Variants in LARGE1 observed in about 807,000 individuals in gnomAD.
LARGE1 encodes xylosyl- and glucuronyltransferase LARGE1.
In LARGE1, 43 loss-of-function variants were observed where a neutral mutation model predicts 87.6. The observed-to-expected ratio is 0.49, with a 90% CI of 0.38 to 0.63. LARGE1 has a LOEUF of 0.63. Among genes scored for constraint, LARGE1 ranks in the 30% least tolerant of loss-of-function variants. The pLI, the probability that LARGE1 is intolerant of heterozygous loss-of-function variation, is 0.00. For missense variants in LARGE1, 802 were observed against 1,000.2 expected, an observed-to-expected ratio of 0.80 and a Z score of 2.67; for synonymous variants, 434 against 394.6, an observed-to-expected ratio of 1.10 and a Z score of -1.18.
intron 11 of LARGE1, among the ~76,000 whole-genome samples, chr22:33,180,430 G>T (rs1187756899): frequency 6.6e-6 from 1 of 152,206 alleles, no homozygotes; most frequent in Non-Finnish European, 1.5e-5. Flanking sequence ...GTGCTGATTA[G>T]ATCATAGAGA....
chr22:33,196,287 C>A (rs1363706109), intron 11 of LARGE1, among the ~76,000 whole-genome samples: 2 of 151,944 alleles, frequency 1.3e-5, no homozygotes, highest in East Asian at 3.9e-4. Flanking sequence ...CAAAAGAGTA[C>A]ATATAACATA....
At chr22:33,490,459 C>T (rs576445276) in intron 6 of LARGE1, among the ~76,000 whole-genome samples, 1 of 152,316 alleles carries the variant, frequency 6.6e-6, no homozygotes, top group South Asian at 2.1e-4. Context: ...GTGCCAAGAA[C>T]ATGAAAACGG....
chr22:33,681,380 G>A (rs1280732719), intron 2 of LARGE1, among the ~76,000 whole-genome samples: 1 of 152,076 alleles, frequency 6.6e-6, no homozygotes, highest in African/African-American at 2.4e-5. Context: ...CAACTACCAG[G>A]GTTCACGTCC....
At chr22:33,623,470 C>A (rs1035899146) in intron 4 of LARGE1, among the ~76,000 whole-genome samples, 2 of 152,120 alleles carry the variant, frequency 1.3e-5, no homozygotes, top group African/African-American at 4.8e-5. Context: ...GAACTGACAG[C>A]CTCTACGGTG....
At chr22:33,473,933 A>G (rs2068965269) in intron 6 of LARGE1, among the ~76,000 whole-genome samples, 1 of 152,196 alleles carries the variant, frequency 6.6e-6, no homozygotes, top group South Asian at 2.1e-4. Flanking sequence ...CCTTCTCACC[A>G]TCCCACAGTT....
chr22:33,596,953 G>T (rs1233928572), intron 5 of LARGE1, among the ~76,000 whole-genome samples: 5 of 152,186 alleles, frequency 3.3e-5, no homozygotes, highest in Non-Finnish European at 7.3e-5. Context: ...TGAACTGGGG[G>T]ATTCAGAAGG....
At chr22:33,271,839 T>A (rs918490077), downstream of LARGE1, among the ~76,000 whole-genome samples, 9 of 152,232 alleles carry the variant, frequency 5.9e-5, no homozygotes, top group Admixed American at 3.9e-4. Context: ...GCTCCAGCCT[T>A]CAGTGAGATT....
intron 7 of LARGE1, among the ~76,000 whole-genome samples, chr22:33,422,805 C>T (rs948305270): frequency 6.6e-6 from 1 of 152,080 alleles, no homozygotes; most frequent in Non-Finnish European, 1.5e-5. Context: ...AGAACTCACT[C>T]ACTATCATGA....
At chr22:33,710,273 G>A (rs1344726912) in intron 2 of LARGE1, among the ~76,000 whole-genome samples, 2 of 152,064 alleles carry the variant, frequency 1.3e-5, no homozygotes, top group African/African-American at 4.8e-5. Context: ...GGAATAAGCA[G>A]TCTGGGGAAA....
the LARGE1 span, among the ~76,000 whole-genome samples, chr22:33,091,326 C>T: frequency 6.6e-6 from 1 of 152,018 alleles, no homozygotes; most frequent in Non-Finnish European, 1.5e-5. Context: ...TTTGGGAGGC[C>T]GAGGTGGGTG....
chr22:33,236,259 T>C (rs545997954), intron 11 of LARGE1, among the ~76,000 whole-genome samples: 33 of 152,194 alleles, frequency 2.2e-4, no homozygotes, highest in Non-Finnish European at 4.0e-4. Context: ...AATACATGAG[T>C]GGAGAAACAC....
At chr22:33,642,245 A>G (rs558473622) in intron 3 of LARGE1, among the ~76,000 whole-genome samples, 2 of 152,360 alleles carry the variant, frequency 1.3e-5, no homozygotes, top group South Asian at 4.1e-4. Context: ...CTTAAAGAAA[A>G]GAATTTTCAA....
Position 33,882,051 on chromosome 22 carries a change from T to G in LARGE1, c.-83+37944A>C, listed in dbSNP as rs368633702. 6.4e-3 allele frequency among the ~76,000 whole-genome samples: 961 copies of G among 150,826 alleles called. 6 individuals are homozygous for G. The highest frequency in any genetic ancestry group is 0.017 in the South Asian group (82 of 4,778). On this transcript the variant is annotated intron_variant, in intron 1 of 14. Coordinates refer to ENST00000397394, the MANE Select transcript of LARGE1 (RefSeq NM_133642.5). ...TTTGTTTTTGTTTTTTTTTGTTTTTTTTTTTTTTTGAGACGGAGTCTCGCT... is the reference window on the plus strand; with the variant it reads ...TTTGTTTTTGTTTTTTTTTGTTTTTGTTTTTTTTTGAGACGGAGTCTCGCT...
chr22:33,695,716 A>C (rs2082222455), intron 2 of LARGE1, among the ~76,000 whole-genome samples: 1 of 152,208 alleles, frequency 6.6e-6, no homozygotes, highest in Non-Finnish European at 1.5e-5. Context: ...GGATTCAATA[A>C]TGTTTATGGG....
chr22:33,210,826 C>T (rs767122512), intron 11 of LARGE1, among the ~76,000 whole-genome samples: 3 of 152,260 alleles, frequency 2.0e-5, no homozygotes, highest in Admixed American at 6.5e-5. Context: ...CCTCACACCA[C>T]GGATGCCTCT....
rs747357315 is a variant in LARGE1 at position 33,283,336 on chromosome 22, G to T, written c.1743C>A (p.Ile581=). Residue 581 remains isoleucine (I), a synonymous_variant, in exon 13 of 15, where the codon ATC becomes ATA. Coordinates refer to ENST00000397394, the MANE Select transcript of LARGE1 (RefSeq NM_133642.5). ...TCTTGGTGTTGGCAAGATCGAGCTG[G>T]ATGACAGACTTCCTGAAAAGAGGGG... ...GLYEYLRKSV[I]QLDLANTKKA... 1 of 1,614,166 alleles carries T rather than the reference G, an allele frequency of 6.2e-7. No homozygotes were observed. The highest frequency in any genetic ancestry group is 1.7e-5 in the Admixed American group (1 of 60,012).
At chr22:33,897,271 C>A (rs969418296) in intron 1 of LARGE1, among the ~76,000 whole-genome samples, 9 of 152,216 alleles carry the variant, frequency 5.9e-5, no homozygotes, top group South Asian at 4.1e-4. Flanking sequence ...CAAGCCCATT[C>A]TTTTGCAAAA....
At chr22:33,131,063 T>TCC in the LARGE1 span, among the ~76,000 whole-genome samples, 1 of 115,572 alleles carries the variant, frequency 8.7e-6, no homozygotes, top group East Asian at 2.7e-4. Context: ...AAAAAAAAAG[T>TCC]AACTATCGAA....
intron 1 of LARGE1, among the ~76,000 whole-genome samples, chr22:33,918,186 G>C (rs554139513): frequency 6.6e-6 from 1 of 152,242 alleles, no homozygotes; most frequent in South Asian, 2.1e-4. Flanking sequence ...GGCCCTTCCA[G>C]GTATGGTTTA....
Sources: allele counts gnomAD v4.1 joint callset (sites outside exome capture counted in the v4.1 genomes callset), GRCh38; gene constraint gnomAD v4.1.1; transcripts MANE v1.5; gene names NCBI Gene and HGNC (gene_info 2026-07-23, HGNC 2026-07-21).